The following RAB28 variants were observed in gnomAD, a reference collection of about 807,000 sequenced individuals.
RAB28 encodes the protein ras-related protein Rab-28.
A neutral mutation model predicts 31.7 loss-of-function variants in RAB28; 24 were observed. The ratio of observed to expected loss-of-function variants is 0.76; its 90% CI spans 0.55 to 1.06. The LOEUF is 1.06. Among genes scored for constraint, RAB28 ranks in the 50% least tolerant of loss-of-function variants. RAB28 has a pLI of 0.00. For synonymous variants in RAB28, 100 were observed against 90.4 expected (o/e 1.11, Z -0.60); for missense variants, 254 against 258.5 (o/e 0.98, Z 0.12).
intron 4 of RAB28, among the ~76,000 whole-genome samples, chr4:13,452,043 C>T (rs984171041): frequency 3.3e-5 from 5 of 151,704 alleles, no homozygotes; most frequent in Admixed American, 6.6e-5. Flanking sequence ...TGCTTGCTTG[C>T]TTTATTTATT....
intron 6 of RAB28, among the ~76,000 whole-genome samples, chr4:13,375,482 G>C (rs1181814344): frequency 6.6e-6 from 1 of 152,168 alleles, no homozygotes; most frequent in Middle Eastern, 3.4e-3. Flanking sequence ...CAAATTACTT[G>C]ACCTCTGGGA....
At chr4:13,404,660 G>C (rs916981119) in intron 4 of RAB28, among the ~76,000 whole-genome samples, 3 of 152,076 alleles carry the variant, frequency 2.0e-5, no homozygotes, top group Non-Finnish European at 4.4e-5. Context: ...AAAGAATTCA[G>C]TTCATTGTCT....
chr4:13,454,476 T>G (rs1172611331), intron 4 of RAB28, among the ~76,000 whole-genome samples: 1 of 152,076 alleles, frequency 6.6e-6, no homozygotes, highest in Non-Finnish European at 1.5e-5. Context: ...TTTTATGGAG[T>G]AGGATAAGAA....
At chr4:13,409,245 G>A (rs1375962757) in intron 4 of RAB28, among the ~76,000 whole-genome samples, 2 of 152,118 alleles carry the variant, frequency 1.3e-5, no homozygotes, top group Non-Finnish European at 2.9e-5. Context: ...ACAAGACACT[G>A]AAATCAATTC....
At chr4:13,431,923 T>A (rs1577208510) in intron 4 of RAB28, among the ~76,000 whole-genome samples, 2 of 152,124 alleles carry the variant, frequency 1.3e-5, no homozygotes, top group East Asian at 3.9e-4. Flanking sequence ...CAGTACTACC[T>A]CTCTAGCAAT....
intron 4 of RAB28, chr4:13,459,613 G>T: frequency 3.2e-6 from 1 of 312,198 alleles, no homozygotes; most frequent in Non-Finnish European, 4.7e-6. Flanking sequence ...ATTTGAGACA[G>T]GTCTCAAAAT....
At chr4:13,394,083 T>A (rs1219970777) in intron 4 of RAB28, among the ~76,000 whole-genome samples, 6 of 152,106 alleles carry the variant, frequency 3.9e-5, no homozygotes, top group Non-Finnish European at 8.8e-5. Context: ...ATTATCATAA[T>A]CTGAAAGTGG....
chr4:13,441,312 C>T (rs1365634164), intron 4 of RAB28, among the ~76,000 whole-genome samples: 1 of 152,056 alleles, frequency 6.6e-6, no homozygotes, highest in Non-Finnish European at 1.5e-5. Context: ...TTGAAAGCAT[C>T]CTAAAGAATC....
At chr4:13,371,751 T>C (rs1040255719) in intron 6 of RAB28, 2 of 1,545,832 alleles carry the variant, frequency 1.3e-6, no homozygotes, top group Non-Finnish European at 1.7e-6. Context: ...TTAAAAGCCA[T>C]TTATTGATGT....
chr4:13,369,399 T>C (rs1268351837), intron 6 of RAB28, among the ~76,000 whole-genome samples: 1 of 152,112 alleles, frequency 6.6e-6, no homozygotes, highest in African/African-American at 2.4e-5. Flanking sequence ...ATGATACACT[T>C]AGCAATATGC....
chr4:13,469,300 TTTG>T (rs1716010058), intron 3 of RAB28, among the ~76,000 whole-genome samples: 1 of 152,024 alleles, frequency 6.6e-6, no homozygotes, highest in Non-Finnish European at 1.5e-5. Flanking sequence ...CCAGATAACT[TTTG>T]TTATCAACCA....
At chr4:13,470,280 G>C (rs140677503) in intron 3 of RAB28, among the ~76,000 whole-genome samples, 15 of 152,142 alleles carry the variant, frequency 9.9e-5, no homozygotes, top group Admixed American at 3.3e-4. Flanking sequence ...TGCTTTATAA[G>C]TATAACCCGT....
At chr4:13,397,409 A>G (rs1470262908) in intron 4 of RAB28, among the ~76,000 whole-genome samples, 1 of 152,106 alleles carries the variant, frequency 6.6e-6, no homozygotes, top group African/African-American at 2.4e-5. Context: ...GCAATGCTCT[A>G]TTTCATGACC....
chr4:13,439,281 T>C (rs1714288859), intron 4 of RAB28, among the ~76,000 whole-genome samples: 1 of 152,250 alleles, frequency 6.6e-6, no homozygotes, highest in Non-Finnish European at 1.5e-5. Flanking sequence ...AATATTTTTT[T>C]CTTTGGTTGC....
intron 4 of RAB28, among the ~76,000 whole-genome samples, chr4:13,404,848 A>G (rs2108903525): frequency 6.6e-6 from 1 of 152,248 alleles, no homozygotes; most frequent in South Asian, 2.1e-4. Flanking sequence ...ATCTTTTAAC[A>G]ATACTAACCA....
intron 5 of RAB28, 126 bp downstream of exon 5, chr4:13,381,365 C>G: frequency 1.6e-6 from 1 of 621,570 alleles, no homozygotes; most frequent in Non-Finnish European, 2.8e-6. Flanking sequence ...TATATCTAAT[C>G]TAAGGAATTT....
intron 5 of RAB28, among the ~76,000 whole-genome samples, chr4:13,378,045 T>C (rs1728988527): frequency 6.6e-6 from 1 of 152,178 alleles, no homozygotes; most frequent in African/African-American, 2.4e-5. Context: ...GAGGAGATGC[T>C]GAGCGGGCAG....
In RAB28 at chr4:13,376,559, T is replaced by C. The variant is rs769111755; in HGVS notation, c.559A>G (p.Ile187Val). The C allele has an allele frequency of 1.9e-6, 3 of 1,603,514 alleles. No individual in the cohort carries two copies. The highest frequency in any genetic ancestry group is 3.5e-5 in the Admixed American group (2 of 57,634). ...AAGGTAATCACCTGTGACTGTTCTATTTCTGCTTTGTTTAATTTGATCCCA... is the reference window on the plus strand; with the variant it reads ...AAGGTAATCACCTGTGACTGTTCTACTTCTGCTTTGTTTAATTTGATCCCA... ...ILGIKLNKAE[I>V]EQSQRVVKAD... Residue 187 changes from isoleucine (I) to valine (V), a missense_variant, in exon 6 of 7, where the codon ATA (isoleucine) becomes GTA (valine). Transcript: ENST00000330852.
chr4:13,450,517 T>C (rs1194471515), intron 4 of RAB28, among the ~76,000 whole-genome samples: 2 of 151,930 alleles, frequency 1.3e-5, no homozygotes, highest in Non-Finnish European at 2.9e-5. Context: ...CATAAACACT[T>C]ATAATTCCAA....
Sources: gnomAD v4.1 joint callset for allele counts (sites outside exome capture counted in the v4.1 genomes callset) on GRCh38, gnomAD v4.1.1 for gene constraint, MANE v1.5 for transcripts, NCBI Gene and HGNC (gene_info 2026-07-23, HGNC 2026-07-21) for gene names.